CACNA1H: variants seen among roughly 807,000 people sequenced by gnomAD.
The protein encoded by CACNA1H is voltage-dependent T-type calcium channel subunit alpha-1H.
CACNA1H carries 149 observed loss-of-function variants against 192.5 expected under a neutral mutation model. The ratio of observed to expected loss-of-function variants is 0.77; its 90% CI spans 0.68 to 0.89. The LOEUF is 0.89. Ranked by LOEUF, CACNA1H falls within the 40% of genes least tolerant of loss-of-function variation. The pLI is 0.00. For missense variants in CACNA1H, 4,257 were observed against 3,423.5 expected, an observed-to-expected ratio of 1.24 and a Z score of -6.08; for synonymous variants, 2,202 against 1,475.2, an observed-to-expected ratio of 1.49 and a Z score of -11.29.
rs1196577711 is a variant in CACNA1H at position 1,206,364 on chromosome 16, C to T, written c.2789+75C>T. 2.8e-6 allele frequency: 4 copies of T among 1,416,510 alleles called. No individual in the cohort carries two copies. In the Admixed American group the frequency reaches 6.5e-5, roughly 23 times the overall value. 87.7% of individuals were successfully genotyped at this position (1,416,510 alleles called of 1,614,324 possible). ...CTGGGAGGCAAAGGCCCAGGGCACC[C>T]CCCGAAGGAGAAGGAGCCCTCCCAC... On this transcript the variant is annotated intron_variant, in intron 12 of 34. Coordinates refer to ENST00000348261, the MANE Select transcript of CACNA1H (RefSeq NM_021098.3).
chr16:1,209,061 C>A lies in CACNA1H; in HGVS notation c.3393C>A (p.Pro1131=). 6.5e-7 allele frequency: 1 copy of A among 1,539,170 alleles called. No homozygotes were observed. Residue 1131 remains proline, a synonymous_variant, in exon 17 of 35, where the codon CCC becomes CCA. Transcript: ENST00000348261. The stretch of plus-strand genomic sequence containing the variant: ...GCCTCCGAAGTTCTCCCTGTGCCCC[C>A]TGGGGCCCCAGTGGCGCCTGGAGCA... ...PASLRSSPCA[P]WGPSGAWSSR...
At chr16:1,162,982 GCCTCAAAGGCTGT>G (rs1963377150) in intron 2 of CACNA1H, among the ~76,000 whole-genome samples, 1 of 152,258 alleles carries the variant, frequency 6.6e-6, no homozygotes, top group Admixed American at 6.5e-5. Flanking sequence ...CTTGGCTCCA[GCCTCAAAGGCTGT>G]GGGGGCACAG....
At chr16:1,200,667 A>G (rs778810051) in intron 7 of CACNA1H, 49 bp from the exon 8 acceptor site, 167 of 1,514,164 alleles carry the variant, frequency 1.1e-4, no homozygotes, top group Middle Eastern at 1.8e-4. Context: ...GGGCACGGGG[A>G]GGAGGAGGAG....
intron 2 of CACNA1H, chr16:1,157,328 C>G (rs976850161): frequency 2.0e-5 from 3 of 152,234 alleles, no homozygotes; most frequent in African/African-American, 7.2e-5. Context: ...TGTCACGGAG[C>G]TCTGAGATGG....
At chr16:1,171,488 G>T (rs988731149) in intron 2 of CACNA1H, among the ~76,000 whole-genome samples, 2 of 152,204 alleles carry the variant, frequency 1.3e-5, no homozygotes, top group East Asian at 3.9e-4. Flanking sequence ...GGAGGCCCGC[G>T]GGAAGCTTCT....
chr16:1,153,144 G>GGCTC lies in CACNA1H; in HGVS notation c.-337_-334dup, dbSNP rs1596268719. 1 of 144,422 alleles carries GGCTC rather than the reference G, an allele frequency of 6.9e-6. No homozygotes were observed. The highest frequency in any genetic ancestry group is 2.1e-4 in the East Asian group (1 of 4,870). 8.9% of individuals were successfully genotyped at this position (144,422 alleles called of 1,614,324 possible). A position where few individuals can be genotyped will look rare whatever the true frequency, so the allele number is the denominator to read the frequency against. ...CTGCGCCGCGCGCGGACGGGCTCGA[G>GGCTC]GCTCGCTCGCTGCCTCACCGGTCCC... On this transcript the variant is annotated 5_prime_UTR_variant, in exon 1 of 35. Coordinates refer to ENST00000348261, the MANE Select transcript of CACNA1H (RefSeq NM_021098.3).
In CACNA1H at chr16:1,180,113, C is replaced by T. The variant is rs533751924; in HGVS notation, c.300-14859C>T. Among the ~76,000 whole-genome samples, 9 of 152,292 alleles carry T rather than the reference C, an allele frequency of 5.9e-5. No individual in the cohort carries two copies. The East Asian group carries it at 1.4e-3, about 23-fold the overall frequency. ...GCTCTGCAGGCACAGGGCTGAGGGG[C>T]GTCGTGTGGATGGACGGCCAGCCCG... On this transcript the variant is annotated intron_variant, in intron 2 of 34. Coordinates refer to ENST00000348261, the MANE Select transcript of CACNA1H (RefSeq NM_021098.3). This position sits in a 1 kb window ranked among gnomAD's most constrained non-coding sequence, Gnocchi z 4.4.
At chr16:1,161,155 G>A (rs1963149747) in intron 2 of CACNA1H, among the ~76,000 whole-genome samples, 1 of 152,236 alleles carries the variant, frequency 6.6e-6, no homozygotes, top group African/African-American at 2.4e-5. Context: ...TGCTGGCCCT[G>A]CTGGACTCGT....
intron 2 of CACNA1H, chr16:1,160,115 G>A (rs1962992526): frequency 6.6e-6 from 1 of 152,264 alleles, no homozygotes; most frequent in African/African-American, 2.4e-5. Flanking sequence ...TCAAGGTCAG[G>A]CGAGGAACGC....
chr16:1,161,469 T>A (rs936272667), intron 2 of CACNA1H, among the ~76,000 whole-genome samples: 5 of 152,190 alleles, frequency 3.3e-5, no homozygotes, highest in African/African-American at 1.2e-4. Flanking sequence ...TTGAGGCCTT[T>A]TTTTGGGCAA....
In CACNA1H at chr16:1,205,791, C is replaced by T. The variant is rs542689710; in HGVS notation, c.2604-313C>T. Among the ~76,000 whole-genome samples the T allele has an allele frequency of 4.6e-5, 7 of 152,314 alleles. 1 individual carries two copies. The highest frequency in any genetic ancestry group is 1.7e-4 in the African/African-American group (7 of 41,568). On this transcript the variant is annotated intron_variant, in intron 11 of 34. Transcript: ENST00000348261. ...GGAGGGAGTGAGCAGAACGGACAAG[C>T]CAGGTCTGGCTGTGGAAGGCCCAGG...
intron 31 of CACNA1H, 127 bp from the exon 32 acceptor site, chr16:1,217,792 C>T (rs1970152451): frequency 1.6e-6 from 2 of 1,289,048 alleles, no homozygotes; most frequent in Non-Finnish European, 1.0e-6. Flanking sequence ...CCGCCAGGGC[C>T]TCGTCATCCA....
rs1023192207 is a variant in CACNA1H, at chr16:1,184,863, C to G, written c.300-10109C>G. On this transcript the variant is annotated intron_variant, in intron 2 of 34. Coordinates refer to ENST00000348261, the MANE Select transcript of CACNA1H (RefSeq NM_021098.3). ...CTGGGAACGCAGGCTGTGGTGATGA[C>G]TGAAGTGAGGTTCACGTACCATGGG... Among the ~76,000 whole-genome samples the G allele has an allele frequency of 6.6e-5, 10 of 152,152 alleles. No homozygotes were observed. The South Asian group carries it at 1.9e-3, about 28-fold the overall frequency.
intron 2 of CACNA1H, among the ~76,000 whole-genome samples, chr16:1,184,258 C>T (rs1170596403): frequency 6.6e-6 from 1 of 152,270 alleles, no homozygotes; most frequent in Non-Finnish European, 1.5e-5. Flanking sequence ...CAAAGCTTCC[C>T]CTGCAGCAAG....
intron 7 of CACNA1H, 54 bp from the exon 8 acceptor site, chr16:1,200,662 C>CGGGGAG (rs1967749587): frequency 6.4e-7 from 1 of 1,570,036 alleles, no homozygotes; most frequent in African/African-American, 1.4e-5. Flanking sequence ...CCCAGGGGCA[C>CGGGGAG]GGGGAGGAGG....
At chr16:1,198,512 A>G in intron 5 of CACNA1H, 103 bp from the exon 6 acceptor site, 1 of 1,300,022 alleles carries the variant, frequency 7.7e-7, no homozygotes, top group Non-Finnish European at 1.1e-6. Context: ...GTGGACACCC[A>G]CTGTGAACAG....
At chr16:1,154,550 C>A (rs144026727) in intron 2 of CACNA1H, among the ~76,000 whole-genome samples, 1 of 152,030 alleles carries the variant, frequency 6.6e-6, no homozygotes, top group African/African-American at 2.4e-5. Flanking sequence ...CTGTGAGCGC[C>A]GCCAGGGCCT....
In CACNA1H at chr16:1,210,361, C is replaced by A; in HGVS notation, c.3846-9C>A. The A allele has an allele frequency of 2.0e-6, 3 of 1,500,756 alleles. No individual in the cohort carries two copies. Among genetic ancestry groups the A allele is most frequent in the Non-Finnish European group, 2.7e-6 (3 of 1,112,352 alleles). The allele number at this position is 1,500,756 out of a possible 1,614,324, so 93.0% of individuals were successfully genotyped here. On this transcript the variant is annotated splice_polypyrimidine_tract_variant and intron_variant, in intron 18 of 34. Coordinates refer to ENST00000348261, the MANE Select transcript of CACNA1H (RefSeq NM_021098.3). ...CCGCCCCACCTCTCACCCGCCCCCGCCCACCCAGGTTCCGCGTCTCCTGCC... is the reference window on the plus strand; with the variant it reads ...CCGCCCCACCTCTCACCCGCCCCCGACCACCCAGGTTCCGCGTCTCCTGCC...
chr16:1,207,998 C>T lies in CACNA1H; in HGVS notation c.3155-15C>T, dbSNP rs747740198. On this transcript the variant is annotated splice_polypyrimidine_tract_variant and intron_variant, in intron 15 of 34. Transcript: ENST00000348261. The stretch of plus-strand genomic sequence containing the variant: ...CTGGCAGCTCTAGGGGCCCATTCCT[C>T]CCTCTGTCCCGCAGAGCTGAAGATG... 1.0e-5 allele frequency: 16 copies of T among 1,592,110 alleles called. No individual in the cohort carries two copies. In the East Asian group the frequency reaches 2.5e-4, roughly 25 times the overall value.
Sources: gnomAD v4.1 joint callset for allele counts (sites outside exome capture counted in the v4.1 genomes callset) on GRCh38, gnomAD v4.1.1 for gene constraint, Gnocchi (gnomAD v3.1) non-coding constraint, MANE v1.5 for transcripts, NCBI Gene and HGNC (gene_info 2026-07-23, HGNC 2026-07-21) for gene names.